EYS: variants seen among roughly 807,000 people sequenced by gnomAD.
The protein encoded by EYS is protein eyes shut homolog.
EYS carries 250 observed loss-of-function variants against 282.1 expected under a neutral mutation model. The observed-to-expected ratio is 0.89, with a 90% confidence interval of 0.80 to 0.98. The LOEUF (loss-of-function observed/expected upper bound fraction) is 0.98. Among genes scored for constraint, EYS ranks in the 50% least tolerant of loss-of-function variants. EYS has a pLI of 0.00. For synonymous variants in EYS, 1,355 were observed against 1,282.9 expected (o/e 1.06, Z -1.20); for missense variants, 4,016 against 3,709.0 (o/e 1.08, Z -2.15).
chr6:64,258,391 T>G (rs1367861180), intron 30 of EYS, among the ~76,000 whole-genome samples: 1 of 152,030 alleles, frequency 6.6e-6, no homozygotes, highest in Non-Finnish European at 1.5e-5. Flanking sequence ...AATCGGTTGC[T>G]AATCAGAGAT....
chr6:64,361,750 A>G (rs1772016739), intron 29 of EYS, among the ~76,000 whole-genome samples: 1 of 151,714 alleles, frequency 6.6e-6, no homozygotes, highest in African/African-American at 2.4e-5. Context: ...TTACATACAC[A>G]TATAATTGCA....
rs556857631 is a variant in EYS, at chr6:65,517,049, A to G, written c.-332-21056T>C. Among the ~76,000 whole-genome samples, 62 of 152,110 alleles carry G rather than the reference A, an allele frequency of 4.1e-4. 1 individual carries two copies. In the South Asian group the frequency reaches 0.012, roughly 31 times the overall value. Reference sequence around the variant, plus strand: ...TAGTGCTCTCAATGTCTATTACATGAACTTATTTATCCATTTGCAAATAAT... The same window carrying G: ...TAGTGCTCTCAATGTCTATTACATGGACTTATTTATCCATTTGCAAATAAT... On this transcript the variant is annotated intron_variant, in intron 2 of 42. Transcript: ENST00000503581.
At chr6:63,901,466 G>A (rs542013219) in intron 35 of EYS, among the ~76,000 whole-genome samples, 41 of 152,322 alleles carry the variant, frequency 2.7e-4, no homozygotes, top group Admixed American at 1.3e-3. Context: ...TGAAGAAAAA[G>A]TGGCTAAAAA....
chr6:64,426,965 T>C (rs934095086), intron 28 of EYS, among the ~76,000 whole-genome samples: 1 of 152,194 alleles, frequency 6.6e-6, no homozygotes, highest in Non-Finnish European at 1.5e-5. Context: ...TTTCAAATGA[T>C]ATGAAAATCT....
intron 30 of EYS, among the ~76,000 whole-genome samples, chr6:64,256,271 A>AT (rs1170737557): frequency 4.6e-5 from 7 of 152,046 alleles, no homozygotes; most frequent in Non-Finnish European, 5.9e-5. Context: ...TGTGATTTAA[A>AT]TCTTACATGG....
chr6:65,405,073 A>G lies in EYS; in HGVS notation c.1056+101T>C. 3.7e-6 allele frequency: 3 copies of G among 817,774 alleles called. No homozygotes were observed. The South Asian group carries it at 4.9e-5, about 13-fold the overall frequency. 50.7% of individuals were successfully genotyped at this position (817,774 alleles called of 1,614,324 possible). A position where few individuals can be genotyped will look rare whatever the true frequency, so the allele number is the denominator to read the frequency against. On this transcript the variant is annotated intron_variant, in intron 6 of 42. Coordinates refer to ENST00000503581, the MANE Select transcript of EYS (RefSeq NM_001142800.2). ...TTGTTCGTCTGAGTTTAACAATTAAACTACCTTAATAAGGATTCTAATTAT... is the reference window on the plus strand; with the variant it reads ...TTGTTCGTCTGAGTTTAACAATTAAGCTACCTTAATAAGGATTCTAATTAT...
At chr6:64,247,711 C>T (rs1384048851) in intron 30 of EYS, among the ~76,000 whole-genome samples, 1 of 151,966 alleles carries the variant, frequency 6.6e-6, no homozygotes, top group Non-Finnish European at 1.5e-5. Flanking sequence ...GCTCTAAATG[C>T]TGCATATGTA....
chr6:64,565,831 G>T (rs928955965), intron 26 of EYS, among the ~76,000 whole-genome samples: 1 of 151,494 alleles, frequency 6.6e-6, no homozygotes. Context: ...CTTAATTGTG[G>T]TAATCATTTT....
At chr6:64,582,963 C>G (rs1238988517) in intron 26 of EYS, among the ~76,000 whole-genome samples, 1 of 152,138 alleles carries the variant, frequency 6.6e-6, no homozygotes, top group Non-Finnish European at 1.5e-5. Flanking sequence ...CCTGTAGGAA[C>G]ACCAGCAGCA....
intron 31 of EYS, among the ~76,000 whole-genome samples, chr6:64,192,373 C>T (rs1025675621): frequency 2.6e-5 from 4 of 152,124 alleles, no homozygotes; most frequent in Non-Finnish European, 5.9e-5. Flanking sequence ...GTTGCCATTG[C>T]TTTTGGTGTT....
At chr6:63,944,112 A>G (rs1020740166) in intron 35 of EYS, among the ~76,000 whole-genome samples, 2 of 152,136 alleles carry the variant, frequency 1.3e-5, no homozygotes, top group African/African-American at 2.4e-5. Context: ...AATAAGAGAC[A>G]ATGACTCTTT....
intron 33 of EYS, among the ~76,000 whole-genome samples, chr6:64,064,108 T>C (rs1474979689): frequency 1.3e-5 from 2 of 152,216 alleles, no homozygotes; most frequent in Non-Finnish European, 2.9e-5. Flanking sequence ...ACAGGCTAGG[T>C]TACTTTTTTA....
chr6:65,295,111 C>A (rs192675714), intron 12 of EYS, among the ~76,000 whole-genome samples: 1 of 151,916 alleles, frequency 6.6e-6, no homozygotes, highest in African/African-American at 2.4e-5. Flanking sequence ...CGAATTGGGT[C>A]TGCTTAATAA....
intron 41 of EYS, among the ~76,000 whole-genome samples, chr6:63,756,447 G>A (rs1769486963): frequency 6.6e-6 from 1 of 152,188 alleles, no homozygotes; most frequent in Admixed American, 6.5e-5. Context: ...TGCATATGTT[G>A]AACCAGCCTT....
intron 24 of EYS, among the ~76,000 whole-genome samples, chr6:64,604,686 T>G (rs543181685): frequency 1.3e-5 from 2 of 152,210 alleles, no homozygotes; most frequent in South Asian, 2.1e-4. Context: ...ATTGATTTGC[T>G]GTATAATTTT....
At chr6:65,703,566 G>T (rs1380263390) in intron 1 of EYS, among the ~76,000 whole-genome samples, 2 of 151,066 alleles carry the variant, frequency 1.3e-5, no homozygotes, top group Non-Finnish European at 3.0e-5. Context: ...GGTTCCATGT[G>T]TATTTATTTT....
At chr6:64,400,678 C>T (rs1773513594) in intron 28 of EYS, among the ~76,000 whole-genome samples, 1 of 152,100 alleles carries the variant, frequency 6.6e-6, no homozygotes, top group South Asian at 2.1e-4. Flanking sequence ...GAACAGTTTG[C>T]TTAGCTCACC....
intron 12 of EYS, among the ~76,000 whole-genome samples, chr6:65,094,640 C>A (rs1404201553): frequency 2.0e-5 from 3 of 150,736 alleles, no homozygotes; most frequent in Non-Finnish European, 4.5e-5. Context: ...AAAAAGAAAT[C>A]AAAATAGAAA....
intron 35 of EYS, among the ~76,000 whole-genome samples, chr6:63,892,717 A>G (rs1165816884): frequency 6.6e-6 from 1 of 152,252 alleles, no homozygotes; most frequent in African/African-American, 2.4e-5. Context: ...AACAAAAGCC[A>G]AAATGGACAA....
Sources: allele counts gnomAD v4.1 joint callset (sites outside exome capture counted in the v4.1 genomes callset), GRCh38; gene constraint gnomAD v4.1.1; transcripts MANE v1.5; gene names NCBI Gene and HGNC (gene_info 2026-07-23, HGNC 2026-07-21).